SIN3B: variants seen among roughly 807,000 people sequenced by gnomAD.
SIN3B encodes paired amphipathic helix protein Sin3b.
A neutral mutation model predicts 120.2 loss-of-function variants in SIN3B; 19 were observed. The observed-to-expected ratio is 0.16, with a 90% CI of 0.11 to 0.23. The LOEUF (loss-of-function observed/expected upper bound fraction) is 0.23, where lower values mean the gene tolerates loss of function less well. Ranked by LOEUF, SIN3B falls within the 10% of genes least tolerant of loss-of-function variation. The pLI is 1.00. For synonymous variants in SIN3B, 654 were observed against 653.2 expected (o/e 1.00, Z -0.02); for missense variants, 1,073 against 1,573.0 (o/e 0.68, Z 5.38).
At chr19:16,831,043 A>G (rs903257713) in intron 2 of SIN3B, among the ~76,000 whole-genome samples, 89 of 150,334 alleles carry the variant, frequency 5.9e-4, no homozygotes, top group African/African-American at 2.1e-3. Flanking sequence ...CATGGTGTAC[A>G]GATGCTATCA....
At chr19:16,848,882 C>A (rs1053028735) in intron 5 of SIN3B, among the ~76,000 whole-genome samples, 1 of 152,242 alleles carries the variant, frequency 6.6e-6, no homozygotes, top group African/African-American at 2.4e-5. Flanking sequence ...AAGCGATCCT[C>A]CCACCTTGGC....
Position 16,866,526 on chromosome 19 carries a change from G to A in SIN3B, c.1776G>A (p.Leu592=), listed in dbSNP as rs1227582047. 1 of 1,613,920 alleles carries A rather than the reference G, an allele frequency of 6.2e-7. No individual in the cohort carries two copies. Among genetic ancestry groups the A allele is most frequent in the Admixed American group, 1.7e-5 (1 of 60,008 alleles). Residue 592 remains leucine (L), a synonymous_variant, in exon 12 of 19, where the codon TTG becomes TTA. Coordinates refer to ENST00000248054, the MANE Select transcript of SIN3B (RefSeq NM_001297595.2). ...NDTKALRSKS[L]LNEIESVYDE... ...CCAAGGCCCTGCGCTCCAAGAGCTT[G>A]CTCAACGAGATCGAGAGCGTCTACG...
At chr19:16,834,456 A>G (rs774498318) in intron 3 of SIN3B, among the ~76,000 whole-genome samples, 16 of 152,152 alleles carry the variant, frequency 1.1e-4, no homozygotes, top group South Asian at 2.1e-4. Context: ...CGGGTCCCCA[A>G]CCGTGGAGGG....
At chr19:16,869,038 C>T (rs1022025392) in intron 12 of SIN3B, among the ~76,000 whole-genome samples, 5 of 152,158 alleles carry the variant, frequency 3.3e-5, no homozygotes, top group South Asian at 2.1e-4. Flanking sequence ...TGGAATCAGG[C>T]GCCACCGTTG....
intron 13 of SIN3B, among the ~76,000 whole-genome samples, chr19:16,871,025 G>A (rs866766496): frequency 1.4e-4 from 22 of 152,228 alleles, no homozygotes; most frequent in African/African-American, 4.3e-4. Flanking sequence ...CTGGGTTGCC[G>A]GCCAGATTAG....
rs115788345 is a variant in SIN3B, at chr19:16,865,589, G to T, written c.1563G>T (p.Pro521=). ...AIYRIYGDKA[P]EIIESLKKNP... Reference sequence around the variant, plus strand: ...ATCGCATCTATGGCGACAAGGCCCCGGAGATCATCGAGAGCCTCAAGAAGA... The same window carrying T: ...ATCGCATCTATGGCGACAAGGCCCCTGAGATCATCGAGAGCCTCAAGAAGA... Residue 521 remains proline (P), a synonymous_variant, in exon 11 of 19, where the codon CCG becomes CCT. Transcript: ENST00000248054. 1 of 1,612,882 alleles carries T rather than the reference G, an allele frequency of 6.2e-7. No homozygotes were observed. The highest frequency in any genetic ancestry group is 8.5e-7 in the Non-Finnish European group (1 of 1,179,362).
Position 16,831,579 on chromosome 19 carries a change from C to T in SIN3B, c.313C>T (p.Pro105Ser). 1 of 1,614,052 alleles carries T rather than the reference C, an allele frequency of 6.2e-7. No individual in the cohort carries two copies. The highest frequency in any genetic ancestry group is 8.5e-7 in the Non-Finnish European group (1 of 1,179,950). ...DLIVGFNAFL[P>S]LGYRIDIPKN... Reference sequence around the variant, plus strand: ...CATTGTTGGATTCAACGCTTTTCTTCCCCTCGGATATAGAATAGACATTCC... The same window carrying T: ...CATTGTTGGATTCAACGCTTTTCTTTCCCTCGGATATAGAATAGACATTCC... The change falls in exon 3 of 19, where the codon CCC becomes TCC. Residue 105 changes from proline to serine, a missense_variant. By Grantham distance (74) the Pro-to-Ser change is moderately conservative (BLOSUM62 -1). Transcript: ENST00000248054.
At chr19:16,830,733 C>T (rs373925070) in intron 2 of SIN3B, among the ~76,000 whole-genome samples, 1 of 152,258 alleles carries the variant, frequency 6.6e-6, no homozygotes, top group East Asian at 1.9e-4. Flanking sequence ...ATTTTTCTTA[C>T]ACCTTTCCCA....
intron 8 of SIN3B, among the ~76,000 whole-genome samples, chr19:16,861,876 A>C (rs1320143718): frequency 6.6e-6 from 1 of 152,136 alleles, no homozygotes. Flanking sequence ...TTGAGGTTGC[A>C]GTAAGCTGAG....
At chr19:16,866,288 C>A in intron 11 of SIN3B, 85 bp from the exon 12 acceptor site, 1 of 1,394,346 alleles carries the variant, frequency 7.2e-7, no homozygotes, top group Non-Finnish European at 9.8e-7. Context: ...CCAGTCAAGT[C>A]CCAGAGGAAG....
At chr19:16,859,870 G>A (rs1263608171) in intron 8 of SIN3B, among the ~76,000 whole-genome samples, 4 of 152,146 alleles carry the variant, frequency 2.6e-5, no homozygotes, top group East Asian at 3.9e-4. Context: ...TGGGTCCAGC[G>A]GGCACGTGAC....
At chr19:16,870,152 C>T in intron 13 of SIN3B, 77 bp downstream of exon 13, 2 of 1,345,854 alleles carry the variant, frequency 1.5e-6, no homozygotes, top group Non-Finnish European at 2.0e-6. Flanking sequence ...CTGACATGTC[C>T]TGTTACTTTT....
chr19:16,850,811 C>G (rs374308244), intron 5 of SIN3B, among the ~76,000 whole-genome samples: 1 of 152,222 alleles, frequency 6.6e-6, no homozygotes, highest in Non-Finnish European at 1.5e-5. Context: ...CTGTAGGCAC[C>G]CTGCTCGGGA....
At chr19:16,873,798 G>A (rs2051545092) in intron 14 of SIN3B, among the ~76,000 whole-genome samples, 1 of 152,234 alleles carries the variant, frequency 6.6e-6, no homozygotes, top group Non-Finnish European at 1.5e-5. Context: ...CCTGGGCCAG[G>A]TGCTCACTGC....
At chr19:16,839,364 G>A (rs1171811634) in intron 3 of SIN3B, among the ~76,000 whole-genome samples, 2 of 152,146 alleles carry the variant, frequency 1.3e-5, no homozygotes, top group African/African-American at 2.4e-5. Context: ...ATAATTCCAT[G>A]GTCAACCTGT....
chr19:16,860,428 A>G (rs988198202), intron 8 of SIN3B, among the ~76,000 whole-genome samples: 1 of 151,646 alleles, frequency 6.6e-6, no homozygotes, highest in Admixed American at 6.6e-5. Context: ...TTTCCTTCCT[A>G]CGTTTCCATC....
chr19:16,878,340 A>C lies in SIN3B; in HGVS notation c.3112A>C (p.Asn1038His). Residue 1038 changes from asparagine to histidine, a missense_variant, in exon 18 of 19, where the codon AAC becomes CAC. Coordinates refer to ENST00000248054, the MANE Select transcript of SIN3B (RefSeq NM_001297595.2). ...CACTCACAAGATGGTGTTCATCGTGAACTCCGAGGACTACATGTACCGTCG... is the reference window on the plus strand; with the variant it reads ...CACTCACAAGATGGTGTTCATCGTGCACTCCGAGGACTACATGTACCGTCG... ...LSTHKMVFIVNSEDYMYRRGT... is the reference protein window; with the variant it reads ...LSTHKMVFIVHSEDYMYRRGT... 1 of 1,612,648 alleles carries C rather than the reference A, an allele frequency of 6.2e-7. No homozygotes were observed. Among genetic ancestry groups the C allele is most frequent in the Non-Finnish European group, 8.5e-7 (1 of 1,179,758 alleles).
chr19:16,844,069 C>T (rs983647500), intron 4 of SIN3B: 7 of 152,274 alleles, frequency 4.6e-5, no homozygotes, highest in Admixed American at 3.3e-4. Context: ...TCTTGGAACT[C>T]CTGGCCTCAA....
At chr19:16,852,797 T>G (rs1971562700) in intron 6 of SIN3B, among the ~76,000 whole-genome samples, 1 of 152,134 alleles carries the variant, frequency 6.6e-6, no homozygotes, top group South Asian at 2.1e-4. Flanking sequence ...ACATCCCCCT[T>G]GCCTTTCTGA....
Sources: allele counts gnomAD v4.1 joint callset (sites outside exome capture counted in the v4.1 genomes callset), GRCh38; gene constraint gnomAD v4.1.1; transcripts MANE v1.5; gene names NCBI Gene and HGNC (gene_info 2026-07-23, HGNC 2026-07-21).